Variants in SH3BGRL2 observed in about 807,000 individuals in gnomAD.
SH3BGRL2 encodes the protein SH3 domain-binding glutamic acid-rich-like protein 2.
A neutral mutation model predicts 14.8 loss-of-function variants in SH3BGRL2; 21 were observed. The observed-to-expected ratio is 1.42, with a 90% confidence interval of 1.01 to 2.05. The LOEUF (loss-of-function observed/expected upper bound fraction) is 2.05. SH3BGRL2 is among the 30% of genes most tolerant of loss of function. The pLI is 0.00. For synonymous variants in SH3BGRL2, 50 were observed against 47.8 expected, an observed-to-expected ratio of 1.05 and a Z score of -0.19; for missense variants, 147 against 130.8, an observed-to-expected ratio of 1.12 and a Z score of -0.61.
At chr6:79,662,220 G>T (rs1769565412) in intron 1 of SH3BGRL2, among the ~76,000 whole-genome samples, 1 of 152,160 alleles carries the variant, frequency 6.6e-6, no homozygotes, top group South Asian at 2.1e-4. Context: ...CCCATTAATT[G>T]TTGCAGTTTC....
the SH3BGRL2 span, among the ~76,000 whole-genome samples, chr6:79,594,094 A>T: frequency 6.6e-6 from 1 of 152,024 alleles, no homozygotes; most frequent in Non-Finnish European, 1.5e-5. Flanking sequence ...ATAATGTTTA[A>T]TGTATTTGAA....
chr6:79,546,244 T>C, the SH3BGRL2 span, among the ~76,000 whole-genome samples: 2 of 152,170 alleles, frequency 1.3e-5, no homozygotes, highest in Admixed American at 6.6e-5. Flanking sequence ...AACTTTTTTT[T>C]CCAGATAATA....
chr6:79,657,471 G>C (rs1430881542), intron 1 of SH3BGRL2, among the ~76,000 whole-genome samples: 1 of 152,136 alleles, frequency 6.6e-6, no homozygotes, highest in Non-Finnish European at 1.5e-5. Flanking sequence ...TGGTGGTGGA[G>C]GAGTTGTAGG....
At chr6:79,572,387 C>G in the SH3BGRL2 span, among the ~76,000 whole-genome samples, 2 of 152,136 alleles carry the variant, frequency 1.3e-5, no homozygotes, top group South Asian at 4.1e-4. Context: ...CTTTCCAACT[C>G]TTGGTATCAT....
At chr6:79,579,089 G>T in the SH3BGRL2 span, among the ~76,000 whole-genome samples, 1 of 152,098 alleles carries the variant, frequency 6.6e-6, no homozygotes, top group East Asian at 1.9e-4. Context: ...AAAGTGAGAA[G>T]ACAAGGTTAG....
Sources: gnomAD v4.1 joint callset for allele counts (sites outside exome capture counted in the v4.1 genomes callset) on GRCh38, gnomAD v4.1.1 for gene constraint, MANE v1.5 for transcripts, NCBI Gene and HGNC (gene_info 2026-07-23, HGNC 2026-07-21) for gene names.